The following MAML3 variants were observed in gnomAD, a reference collection of about 807,000 sequenced individuals.
The protein encoded by MAML3 is mastermind-like protein 3.
A neutral mutation model predicts 101.9 loss-of-function variants in MAML3; 27 were observed. The observed-to-expected ratio is 0.27, with a 90% CI of 0.20 to 0.37. MAML3 has a LOEUF of 0.37. MAML3 is among the 10% of genes least tolerant of loss of function. The pLI, the probability that MAML3 is intolerant of heterozygous loss-of-function variation, is 1.00. For missense variants in MAML3, 1,316 were observed against 1,444.9 expected (o/e 0.91, Z 1.45); for synonymous variants, 501 against 555.9 (o/e 0.90, Z 1.39).
At chr4:139,961,411 T>C (rs1734011264) in intron 1 of MAML3, among the ~76,000 whole-genome samples, 1 of 152,222 alleles carries the variant, frequency 6.6e-6, no homozygotes, top group South Asian at 2.1e-4. Flanking sequence ...CACACTCAAC[T>C]ACCAACAAAT....
chr4:139,773,804 T>C (rs1730040923), intron 2 of MAML3, among the ~76,000 whole-genome samples: 1 of 152,200 alleles, frequency 6.6e-6, no homozygotes. Flanking sequence ...TCATGTTGTG[T>C]GGACTGTACT....
chr4:139,773,190 A>C (rs1010103259), intron 2 of MAML3, among the ~76,000 whole-genome samples: 2 of 152,204 alleles, frequency 1.3e-5, no homozygotes, highest in South Asian at 4.1e-4. Context: ...CCAGCTCTGA[A>C]ACGTATTGGC....
At chr4:140,134,206 T>C (rs1456616761) in intron 1 of MAML3, 2 of 456,716 alleles carry the variant, frequency 4.4e-6, no homozygotes, top group Admixed American at 2.3e-5. Flanking sequence ...GTCCCCTAAC[T>C]TAGGAAGTAC....
chr4:140,150,175 A>G (rs947094266), intron 1 of MAML3, among the ~76,000 whole-genome samples: 5 of 149,412 alleles, frequency 3.3e-5, no homozygotes, highest in African/African-American at 1.2e-4. Flanking sequence ...TCACGCAGTC[A>G]TCTTTCAAGT....
chr4:139,950,698 C>G (rs191248474), intron 1 of MAML3, among the ~76,000 whole-genome samples: 1 of 152,194 alleles, frequency 6.6e-6, no homozygotes, highest in Non-Finnish European at 1.5e-5. Flanking sequence ...CTAAACCACA[C>G]GCCTTCTGTG....
chr4:140,151,734 T>A (rs1578712297), intron 1 of MAML3, among the ~76,000 whole-genome samples: 1 of 133,614 alleles, frequency 7.5e-6, no homozygotes, highest in Admixed American at 7.4e-5. Flanking sequence ...CGGCCTCCCC[T>A]CACCCAGAAA....
At chr4:139,918,426 T>A (rs1733065670) in intron 1 of MAML3, among the ~76,000 whole-genome samples, 1 of 152,168 alleles carries the variant, frequency 6.6e-6, no homozygotes, top group Non-Finnish European at 1.5e-5. Flanking sequence ...TGGAACACGC[T>A]TATCCCAGCT....
At chr4:140,106,115 G>GAA (rs59770042) in intron 1 of MAML3, among the ~76,000 whole-genome samples, 8,152 of 89,708 alleles carry the variant, frequency 0.091, 481 homozygotes, top group South Asian at 0.19. Context: ...CTGACTTCAA[G>GAA]AAAAAAAAAA....
chr4:139,895,082 T>C (rs1035147130), intron 1 of MAML3, among the ~76,000 whole-genome samples: 1 of 152,276 alleles, frequency 6.6e-6, no homozygotes, highest in African/African-American at 2.4e-5. Context: ...CTCTGTAAAA[T>C]GGTGGTGGCC....
intron 1 of MAML3, among the ~76,000 whole-genome samples, chr4:139,960,128 G>A (rs1733985866): frequency 1.3e-5 from 2 of 152,164 alleles, no homozygotes; most frequent in Non-Finnish European, 2.9e-5. Flanking sequence ...GGAAGGTATG[G>A]AGCTGGGTTT....
At chr4:139,792,776 G>A (rs1428543734) in intron 2 of MAML3, among the ~76,000 whole-genome samples, 8 of 143,452 alleles carry the variant, frequency 5.6e-5, no homozygotes, top group South Asian at 2.2e-4. Flanking sequence ...ACGGAGTCTT[G>A]CTCTGTCACC....
chr4:139,924,991 C>CT (rs5862445), intron 1 of MAML3, among the ~76,000 whole-genome samples: 50,424 of 150,806 alleles, frequency 0.33, 9,384 homozygotes, highest in East Asian at 0.63. Flanking sequence ...TTTCGCTAAA[C>CT]TTTTTTTTTT....
At chr4:139,846,075 C>T (rs1731441011) in intron 2 of MAML3, among the ~76,000 whole-genome samples, 1 of 152,114 alleles carries the variant, frequency 6.6e-6, no homozygotes, top group Admixed American at 6.5e-5. Flanking sequence ...AATCCAGGAG[C>T]TGAAATGCTT....
At chr4:140,093,262 A>C (rs937126848) in intron 1 of MAML3, among the ~76,000 whole-genome samples, 1 of 152,184 alleles carries the variant, frequency 6.6e-6, no homozygotes, top group Non-Finnish European at 1.5e-5. Flanking sequence ...TTTTTAAAAA[A>C]ATTTCTTCAA....
chr4:139,784,365 C>T (rs896768733), intron 2 of MAML3, among the ~76,000 whole-genome samples: 2 of 152,178 alleles, frequency 1.3e-5, no homozygotes, highest in Non-Finnish European at 2.9e-5. Flanking sequence ...AGTGGCATTC[C>T]AAGCGATCCT....
intron 2 of MAML3, among the ~76,000 whole-genome samples, chr4:139,846,090 C>T (rs147663971): frequency 6.6e-6 from 1 of 152,250 alleles, no homozygotes; most frequent in Non-Finnish European, 1.5e-5. Context: ...ATGCTTTCTC[C>T]TCGGCTTATG....
intron 2 of MAML3, among the ~76,000 whole-genome samples, chr4:139,885,450 A>G (rs1300060933): frequency 6.6e-6 from 1 of 152,092 alleles, no homozygotes; most frequent in Admixed American, 6.6e-5. Context: ...TGGATGCCCT[A>G]AATACCCTGA....
At chr4:139,761,387 A>G (rs1543067) in intron 2 of MAML3, among the ~76,000 whole-genome samples, 148,778 of 152,258 alleles carry the variant, frequency 0.98, 72,775 homozygotes, top group East Asian at 1. Context: ...GAGAGTCTGG[A>G]GGGGGCGTTA....
chr4:140,070,992 C>T (rs1727641946), intron 1 of MAML3, among the ~76,000 whole-genome samples: 1 of 152,200 alleles, frequency 6.6e-6, no homozygotes, highest in African/African-American at 2.4e-5. Context: ...TGCCAAACTT[C>T]CCACAGCAGA....
Sources: allele counts gnomAD v4.1 joint callset (sites outside exome capture counted in the v4.1 genomes callset), GRCh38; gene constraint gnomAD v4.1.1; transcripts MANE v1.5; gene names NCBI Gene and HGNC (gene_info 2026-07-23, HGNC 2026-07-21).